CPLANE1: variants seen among roughly 807,000 people sequenced by gnomAD.
CPLANE1 encodes ciliogenesis and planar polarity effector 1.
In CPLANE1, 263 loss-of-function variants were observed where a neutral mutation model predicts 362.5. The ratio of observed to expected loss-of-function variants is 0.73; its 90% CI spans 0.66 to 0.80. The LOEUF (loss-of-function observed/expected upper bound fraction) is 0.80, where lower values mean the gene tolerates loss of function less well. Among genes scored for constraint, CPLANE1 ranks in the 30% least tolerant of loss-of-function variants. The pLI is 0.00. For missense variants in CPLANE1, 3,461 were observed against 3,793.4 expected, an observed-to-expected ratio of 0.91 and a Z score of 2.30; for synonymous variants, 1,212 against 1,302.6, an observed-to-expected ratio of 0.93 and a Z score of 1.50.
At chr5:37,220,561 T>C (rs1380370453) in intron 15 of CPLANE1, among the ~76,000 whole-genome samples, 1 of 152,108 alleles carries the variant, frequency 6.6e-6, no homozygotes, top group African/African-American at 2.4e-5. Flanking sequence ...AGTCTGGCTC[T>C]GTCACCCAGG....
At position 37,121,721 on chromosome 5, in the gene CPLANE1, C is replaced by A. The variant is rs747253172; in HGVS notation, c.9081G>T (p.Leu3027=). 6.2e-7 allele frequency: 1 copy of A among 1,613,890 alleles called. No homozygotes were observed. The change falls in exon 49 of 53, where the codon CTG becomes CTT. Residue 3027 remains leucine, a synonymous_variant. Transcript: ENST00000651892. ...TTGGTAGCTGTACTGACTCAGATAA[C>A]AGTTCATTCATCAGACCGTACGCTT... ...ISQAYGLMNE[L]LSESVQLPTL... is the part of the protein sequence containing the mutation.
chr5:37,199,292 CT>C (rs1788489791), intron 19 of CPLANE1, among the ~76,000 whole-genome samples: 1 of 152,052 alleles, frequency 6.6e-6, no homozygotes, highest in Non-Finnish European at 1.5e-5. Flanking sequence ...CAGTCTTACG[CT>C]AGAACAGTTA....
intron 18 of CPLANE1, 53 bp downstream of exon 18, chr5:37,205,257 AGGTAT>A: frequency 2.4e-6 from 3 of 1,234,682 alleles, no homozygotes; most frequent in South Asian, 2.3e-5. Context: ...AAACTTTTTA[AGGTAT>A]TATAAGGTTT....
chr5:37,209,074 A>C lies in CPLANE1; in HGVS notation c.2921-2649T>G, dbSNP rs975367828. On this transcript the variant is annotated intron_variant, in intron 16 of 52. Transcript: ENST00000651892. The surrounding 1 kb of genome is among the most constrained non-coding windows in gnomAD (Gnocchi z 4.6). ...TCCTGCCTTGCCGCCTTCTGTCCCT[A>C]GTCTCCGGGTCCCCGCCCTCCAGCC... Among the ~76,000 whole-genome samples, 2 of 152,224 alleles carry C rather than the reference A, an allele frequency of 1.3e-5. No homozygotes were observed. The highest frequency in any genetic ancestry group is 1.3e-4 in the Admixed American group (2 of 15,278).
chr5:37,225,333 T>A (rs539732301), intron 12 of CPLANE1, among the ~76,000 whole-genome samples: 13 of 152,106 alleles, frequency 8.5e-5, no homozygotes, highest in African/African-American at 3.1e-4. Flanking sequence ...CTGCTCAACC[T>A]CTGCCTCCTG....
downstream of CPLANE1, among the ~76,000 whole-genome samples, chr5:37,102,569 A>G (rs965933802): frequency 6.6e-6 from 1 of 152,170 alleles, no homozygotes; most frequent in Non-Finnish European, 1.5e-5. Context: ...CCCCATTAAC[A>G]CTGCTTTACC....
At chr5:37,115,745 CA>C (rs1760761082) in intron 50 of CPLANE1, among the ~76,000 whole-genome samples, 1 of 151,594 alleles carries the variant, frequency 6.6e-6, no homozygotes, top group African/African-American at 2.4e-5. Context: ...TACAGGCACA[CA>C]CCACCATGCC....
At chr5:37,086,129 G>T in the CPLANE1 span, among the ~76,000 whole-genome samples, 1 of 152,134 alleles carries the variant, frequency 6.6e-6, no homozygotes, top group African/African-American at 2.4e-5. Context: ...TCCACTGACA[G>T]CACTAGACAG....
intron 41 of CPLANE1, among the ~76,000 whole-genome samples, chr5:37,155,026 C>T (rs995491133): frequency 3.9e-5 from 6 of 152,214 alleles, no homozygotes; most frequent in Admixed American, 6.5e-5. Flanking sequence ...ATTGATGATT[C>T]TACCTGCTAA....
intron 46 of CPLANE1, among the ~76,000 whole-genome samples, chr5:37,135,791 A>G (rs1767526056): frequency 6.6e-6 from 1 of 152,064 alleles, no homozygotes; most frequent in African/African-American, 2.4e-5. Flanking sequence ...AGATCACACC[A>G]TGGCACTCCA....
At chr5:37,166,916 C>A in intron 35 of CPLANE1, 131 bp downstream of exon 35, 1 of 673,142 alleles carries the variant, frequency 1.5e-6, no homozygotes, top group East Asian at 3.0e-5. Flanking sequence ...AGATGCATGA[C>A]ACTTGAAAAG....
chr5:37,247,192 T>A (rs185100534), intron 2 of CPLANE1, among the ~76,000 whole-genome samples: 1 of 152,354 alleles, frequency 6.6e-6, no homozygotes, highest in East Asian at 1.9e-4. Flanking sequence ...TAACGTATTG[T>A]GGCCCATTTC....
At chr5:37,126,371 T>C (rs1307258439) in intron 46 of CPLANE1, among the ~76,000 whole-genome samples, 1 of 152,214 alleles carries the variant, frequency 6.6e-6, no homozygotes, top group African/African-American at 2.4e-5. Flanking sequence ...AGGGATACTG[T>C]GAAAGGCCCA....
intron 4 of CPLANE1, 71 bp from the exon 5 acceptor site, chr5:37,244,678 T>G: frequency 1.1e-6 from 1 of 872,088 alleles, no homozygotes; most frequent in South Asian, 1.8e-5. Flanking sequence ...ACATAATTTA[T>G]GTATTCTTAC....
downstream of CPLANE1, among the ~76,000 whole-genome samples, chr5:37,102,853 G>A (rs1757361247): frequency 6.6e-6 from 1 of 152,170 alleles, no homozygotes; most frequent in Non-Finnish European, 1.5e-5. Flanking sequence ...CATGTGATGA[G>A]AAGAATGTAT....
chr5:37,088,246 C>T, the CPLANE1 span, among the ~76,000 whole-genome samples: 6 of 152,332 alleles, frequency 3.9e-5, no homozygotes, highest in Non-Finnish European at 8.8e-5. Context: ...GATATCTTAT[C>T]GTTGCAACTG....
At chr5:37,226,243 T>G in intron 12 of CPLANE1, 61 bp downstream of exon 12, 2 of 1,126,448 alleles carry the variant, frequency 1.8e-6, no homozygotes, top group East Asian at 5.4e-5. Context: ...GTAGCTCAGT[T>G]TCTAAAAAAG....
At chr5:37,140,432 A>C in intron 44 of CPLANE1, 1 of 985,124 alleles carries the variant, frequency 1.0e-6, no homozygotes, top group Non-Finnish European at 1.2e-6. Flanking sequence ...AAGAGCAACT[A>C]ATTCAATTTA....
intron 36 of CPLANE1, among the ~76,000 whole-genome samples, chr5:37,164,782 T>G (rs1777798459): frequency 6.6e-6 from 1 of 152,192 alleles, no homozygotes; most frequent in South Asian, 2.1e-4. Context: ...AAATAGTTAG[T>G]CACCAAATAT....
Sources: allele counts gnomAD v4.1 joint callset (sites outside exome capture counted in the v4.1 genomes callset), GRCh38; gene constraint gnomAD v4.1.1; non-coding constraint Gnocchi (gnomAD v3.1); transcripts MANE v1.5; gene names NCBI Gene and HGNC (gene_info 2026-07-23, HGNC 2026-07-21).